The following UBE3C variants were observed in gnomAD, a reference collection of about 807,000 sequenced individuals.
UBE3C encodes the protein ubiquitin-protein ligase E3C.
A neutral mutation model predicts 129.4 loss-of-function variants in UBE3C; 42 were observed. The ratio of observed to expected loss-of-function variants is 0.32; its 90% CI spans 0.25 to 0.42. The LOEUF (loss-of-function observed/expected upper bound fraction) is 0.42. UBE3C is among the 10% of genes least tolerant of loss of function. The probability of loss-of-function intolerance (pLI) is 1.00; values close to 1 mark genes in which losing one functional copy is unlikely to be tolerated. For synonymous variants in UBE3C, 510 were observed against 492.4 expected (o/e 1.04, Z -0.47); for missense variants, 1,049 against 1,319.1 (o/e 0.80, Z 3.17).
At chr7:157,223,394 G>A in intron 16 of UBE3C, 43 bp downstream of exon 16, 2 of 1,534,152 alleles carry the variant, frequency 1.3e-6, no homozygotes, top group Non-Finnish European at 1.8e-6. Flanking sequence ...TATCATATTA[G>A]TGTTAAGAAA....
At chr7:157,225,276 G>A in intron 16 of UBE3C, 131 bp from the exon 17 acceptor site, 1 of 988,002 alleles carries the variant, frequency 1.0e-6, no homozygotes, top group Non-Finnish European at 1.4e-6. Context: ...ATCAAGATTT[G>A]ATACCTTGAC....
At chr7:157,197,563 T>A in intron 10 of UBE3C, 1 of 1,341,404 alleles carries the variant, frequency 7.5e-7, no homozygotes, top group Non-Finnish European at 1.1e-6. Flanking sequence ...CGACACATCA[T>A]CTGTTCCCAC....
At chr7:157,231,532 A>C in intron 18 of UBE3C, 1 of 649,606 alleles carries the variant, frequency 1.5e-6, no homozygotes, top group Non-Finnish European at 2.5e-6. Flanking sequence ...ACTCATGTTG[A>C]AACTTGATCC....
At chr7:157,147,450 C>T (rs777768209) in intron 1 of UBE3C, among the ~76,000 whole-genome samples, 26 of 152,150 alleles carry the variant, frequency 1.7e-4, no homozygotes, top group Non-Finnish European at 3.8e-4. Flanking sequence ...ATTTCCTGCA[C>T]AGATAATCAT....
intron 11 of UBE3C, among the ~76,000 whole-genome samples, chr7:157,202,534 G>A (rs1366667514): frequency 6.6e-6 from 1 of 152,150 alleles, no homozygotes; most frequent in African/African-American, 2.4e-5. Context: ...GTGCGTGCCT[G>A]TAATCCCAGC....
chr7:157,232,140 A>G (rs1477812003), intron 18 of UBE3C, among the ~76,000 whole-genome samples: 3 of 151,806 alleles, frequency 2.0e-5, no homozygotes, highest in Non-Finnish European at 4.4e-5. Context: ...TCTGTCCAAC[A>G]TTGCCTTATT....
At chr7:157,170,517 A>C (rs1210771464) in intron 4 of UBE3C, 67 bp downstream of exon 4, 1 of 1,405,798 alleles carries the variant, frequency 7.1e-7, no homozygotes, top group Non-Finnish European at 9.3e-7. Flanking sequence ...TTAAAGTGGA[A>C]ATGGCTTCTC....
chr7:157,231,125 A>G lies in UBE3C; in HGVS notation c.2279A>G (p.His760Arg). ...ATCCGTGTGCACTTGCTCAATGCCC[A>G]TGGCCTGGATGAAGCTGGCATTGAT... is the stretch of plus-strand genomic sequence containing the variant. Reference protein sequence around the residue: ...KRIRVHLLNAHGLDEAGIDGG... With the variant: ...KRIRVHLLNARGLDEAGIDGG... The change falls in exon 18 of 23, where the codon CAT becomes CGT. Residue 760 changes from histidine (H) to arginine (R), a missense_variant. Physicochemically the swap from His to Arg is conservative, Grantham distance 29 (BLOSUM62 0). This residue lies in a region of UBE3C where 314 missense variants were observed against 416.9 expected (regional missense o/e 0.75). Transcript: ENST00000348165. 2 of 1,614,080 alleles carry G rather than the reference A, an allele frequency of 1.2e-6. No homozygotes were observed. The highest frequency in any genetic ancestry group is 8.5e-7 in the Non-Finnish European group (1 of 1,180,016).
chr7:157,191,025 A>G (rs1808948929), intron 10 of UBE3C, among the ~76,000 whole-genome samples: 1 of 152,104 alleles, frequency 6.6e-6, no homozygotes, highest in Non-Finnish European at 1.5e-5. Context: ...CAGAATTTTG[A>G]AGATAGTGTT....
At chr7:157,214,236 T>A (rs1809673406) in intron 13 of UBE3C, among the ~76,000 whole-genome samples, 1 of 152,162 alleles carries the variant, frequency 6.6e-6, no homozygotes, top group African/African-American at 2.4e-5. Flanking sequence ...TATATTGAAA[T>A]TTTTTTAACA....
chr7:157,191,820 G>T (rs2116955172), intron 10 of UBE3C, among the ~76,000 whole-genome samples: 1 of 152,248 alleles, frequency 6.6e-6, no homozygotes, highest in Admixed American at 6.5e-5. Flanking sequence ...CCATGTGTTT[G>T]TAAACAAGTT....
chr7:157,185,204 G>GT, intron 9 of UBE3C, among the ~76,000 whole-genome samples: 1 of 152,350 alleles, frequency 6.6e-6, no homozygotes, highest in Admixed American at 6.5e-5. Context: ...GAGAGGACAG[G>GT]TTTTTCCTCG....
intron 18 of UBE3C, among the ~76,000 whole-genome samples, chr7:157,237,430 G>A (rs1363107923): frequency 2.0e-5 from 3 of 152,092 alleles, no homozygotes; most frequent in African/African-American, 7.2e-5. Flanking sequence ...GACAGAGCGA[G>A]ACTCCGTCTC....
At chr7:157,209,339 G>A (rs767873397) in intron 13 of UBE3C, among the ~76,000 whole-genome samples, 8 of 152,276 alleles carry the variant, frequency 5.3e-5, no homozygotes, top group Admixed American at 1.3e-4. Flanking sequence ...ATGCATCGTT[G>A]AATTTATAAT....
intron 10 of UBE3C, among the ~76,000 whole-genome samples, chr7:157,191,044 C>A (rs572472583): frequency 6.6e-6 from 1 of 152,012 alleles, no homozygotes; most frequent in Non-Finnish European, 1.5e-5. Flanking sequence ...TTTTAGGGGT[C>A]GAAGAGGTTG....
Position 157,207,523 on chromosome 7 carries a change from A to G in UBE3C, c.1544A>G (p.His515Arg). The G allele has an allele frequency of 6.2e-7, 1 of 1,612,878 alleles. No individual in the cohort carries two copies. Among genetic ancestry groups the G allele is most frequent in the Admixed American group, 1.7e-5 (1 of 59,724 alleles). The change falls in exon 12 of 23, where the codon CAT becomes CGT. Residue 515 changes from histidine (H) to arginine (R), a missense_variant. Transcript: ENST00000348165. The part of the protein sequence containing the change: ...SLFSHSLISI[H>R]DNEFFGDPIE... ...TTTAGTCATTCACTAATTTCCATAC[A>G]TGATAACGAATTCTTCGGTGATCCC...
chr7:157,155,487 G>T (rs1038543570), intron 1 of UBE3C, among the ~76,000 whole-genome samples: 3 of 152,116 alleles, frequency 2.0e-5, no homozygotes, highest in African/African-American at 7.2e-5. Flanking sequence ...TAAATGGTTA[G>T]CAGTTAATTT....
At chr7:157,262,044 C>G (rs573059627) in intron 22 of UBE3C, among the ~76,000 whole-genome samples, 3 of 152,134 alleles carry the variant, frequency 2.0e-5, no homozygotes, top group African/African-American at 7.2e-5. Context: ...ATATTTTAAG[C>G]TTTTCATTTA....
chr7:157,164,739 G>A (rs1397856499), intron 2 of UBE3C, among the ~76,000 whole-genome samples: 2 of 152,066 alleles, frequency 1.3e-5, no homozygotes, highest in Non-Finnish European at 1.5e-5. Context: ...GTATGTACTA[G>A]GTATTGCTCT....
Sources: gnomAD v4.1 joint callset for allele counts (sites outside exome capture counted in the v4.1 genomes callset) on GRCh38, gnomAD v4.1.1 for gene constraint, gnomAD v4.1.1 regional missense constraint, MANE v1.5 for transcripts, NCBI Gene and HGNC (gene_info 2026-07-23, HGNC 2026-07-21) for gene names.